MALRD1: variants seen among roughly 807,000 people sequenced by gnomAD.
MALRD1 encodes the protein MAM and LDL receptor class A domain containing 1.
In MALRD1, 247 loss-of-function variants were observed where a neutral mutation model predicts 242.1. That is an observed-to-expected ratio of 1.02 (90% CI 0.92 to 1.13). The LOEUF (loss-of-function observed/expected upper bound fraction) is 1.13, where lower values mean the gene tolerates loss of function less well. Ranked by LOEUF, MALRD1 falls within the 50% of genes most tolerant of loss-of-function variation. MALRD1 has a pLI of 0.00. For synonymous variants in MALRD1, 995 were observed against 866.6 expected (o/e 1.15, Z -2.60); for missense variants, 2,989 against 2,533.1 (o/e 1.18, Z -3.86).
chr10:19,539,857 C>CGTGTGTGTGT (rs368123598), intron 32 of MALRD1, among the ~76,000 whole-genome samples: 1 of 126,924 alleles, frequency 7.9e-6, no homozygotes, highest in Non-Finnish European at 1.7e-5. Flanking sequence ...CAGCTTTGTG[C>CGTGTGTGTGT]GTGTGTGTGT....
intron 29 of MALRD1, among the ~76,000 whole-genome samples, chr10:19,472,680 T>G (rs1191137584): frequency 6.6e-6 from 1 of 151,918 alleles, no homozygotes; most frequent in Non-Finnish European, 1.5e-5. Flanking sequence ...TTATCAAAGT[T>G]GTTAGAATAC....
rs140720769 is a variant in MALRD1, at chr10:19,063,395, C to T, written c.200-3324C>T. Among the ~76,000 whole-genome samples the T allele has an allele frequency of 8.5e-4, 129 of 152,188 alleles. 4 individuals are homozygous for T. The East Asian group carries it at 0.021, about 25-fold the overall frequency. On this transcript the variant is annotated intron_variant, in intron 1 of 39. Transcript: ENST00000454679. ...AAGAACATTATGTTGTGTTGCTTTA[C>T]CCAGACCATACTTTCCAGAGTTAAT...
At chr10:19,300,599 G>A (rs139501999) in intron 21 of MALRD1, among the ~76,000 whole-genome samples, 1 of 151,826 alleles carries the variant, frequency 6.6e-6, no homozygotes, top group Non-Finnish European at 1.5e-5. Flanking sequence ...ACAATAAAAA[G>A]CAATGGGGAA....
At chr10:19,481,100 T>G (rs1836976243) in intron 29 of MALRD1, among the ~76,000 whole-genome samples, 1 of 152,130 alleles carries the variant, frequency 6.6e-6, no homozygotes, top group Admixed American at 6.6e-5. Flanking sequence ...AATATGAAAA[T>G]TCAAACTTCA....
intron 24 of MALRD1, among the ~76,000 whole-genome samples, chr10:19,345,031 C>A (rs1844047608): frequency 6.6e-6 from 1 of 152,000 alleles, no homozygotes; most frequent in Non-Finnish European, 1.5e-5. Context: ...ACTATGTGCT[C>A]CTTTTATTAC....
At chr10:19,207,039 C>A (rs955364058) in intron 17 of MALRD1, among the ~76,000 whole-genome samples, 1 of 152,280 alleles carries the variant, frequency 6.6e-6, no homozygotes, top group East Asian at 1.9e-4. Flanking sequence ...CTAAGCTCCT[C>A]TTCTGTGATT....
At chr10:19,233,812 T>C (rs1838185399) in intron 18 of MALRD1, among the ~76,000 whole-genome samples, 1 of 151,332 alleles carries the variant, frequency 6.6e-6, no homozygotes. Flanking sequence ...TATTCCAACA[T>C]GTTTATATTG....
At chr10:19,081,616 A>G (rs1265797199) in intron 2 of MALRD1, among the ~76,000 whole-genome samples, 1 of 151,994 alleles carries the variant, frequency 6.6e-6, no homozygotes, top group African/African-American at 2.4e-5. Flanking sequence ...ACCTGTCAGG[A>G]GGGGAGAGGG....
At chr10:19,533,411 G>A (rs761480026) in intron 32 of MALRD1, among the ~76,000 whole-genome samples, 3 of 152,088 alleles carry the variant, frequency 2.0e-5, no homozygotes, top group African/African-American at 4.8e-5. Context: ...TAATCAGCAT[G>A]ATATTGATTT....
intron 28 of MALRD1, among the ~76,000 whole-genome samples, chr10:19,442,392 G>A (rs1388277883): frequency 1.3e-5 from 2 of 152,210 alleles, no homozygotes; most frequent in Admixed American, 1.3e-4. Flanking sequence ...TCCCTGTCTT[G>A]TGCCAGTTTT....
chr10:19,700,964 A>G (rs1420752639), intron 38 of MALRD1, among the ~76,000 whole-genome samples: 17 of 152,138 alleles, frequency 1.1e-4, no homozygotes, highest in Admixed American at 9.8e-4. Context: ...CCTGGGCAAC[A>G]TAGCAAAACC....
At chr10:19,179,627 C>T (rs527836701) in intron 14 of MALRD1, among the ~76,000 whole-genome samples, 8 of 151,946 alleles carry the variant, frequency 5.3e-5, no homozygotes, top group African/African-American at 1.4e-4. Context: ...GCCACCCCCC[C>T]ATAAAAAAGA....
chr10:19,483,103 A>G (rs1455512544), intron 29 of MALRD1, among the ~76,000 whole-genome samples: 1 of 151,978 alleles, frequency 6.6e-6, no homozygotes, highest in Non-Finnish European at 1.5e-5. Flanking sequence ...AGACACATAG[A>G]CCAATGGAAC....
intron 36 of MALRD1, among the ~76,000 whole-genome samples, chr10:19,646,844 C>T (rs1266101299): frequency 6.6e-6 from 1 of 152,000 alleles, no homozygotes; most frequent in East Asian, 1.9e-4. Context: ...TCATTTGTGA[C>T]AGAAGAAAGG....
intron 18 of MALRD1, among the ~76,000 whole-genome samples, chr10:19,251,165 G>T (rs934098636): frequency 2.6e-5 from 4 of 151,898 alleles, no homozygotes; most frequent in African/African-American, 9.7e-5. Flanking sequence ...CATTAGAAAA[G>T]AATTAAGGGA....
At chr10:19,471,515 C>T (rs1836495900) in intron 29 of MALRD1, among the ~76,000 whole-genome samples, 1 of 151,366 alleles carries the variant, frequency 6.6e-6, no homozygotes, top group East Asian at 1.9e-4. Flanking sequence ...GTGTGGATCA[C>T]TTTGGGTAGT....
rs549097833 is a variant in MALRD1 at position 19,103,477 on chromosome 10, C to G, written c.598-502C>G. On this transcript the variant is annotated intron_variant, in intron 4 of 39. Transcript: ENST00000454679. ...TCGGGAGGCTGAGGCAGGAGAATGGCATGAATGTGGGAGGCGGAGCTTGTA... is the reference window on the plus strand; with the variant it reads ...TCGGGAGGCTGAGGCAGGAGAATGGGATGAATGTGGGAGGCGGAGCTTGTA... 2.1e-5 allele frequency among the ~76,000 whole-genome samples: 3 copies of G among 145,990 alleles called. No individual in the cohort carries two copies. The Admixed American group carries it at 2.2e-4, about 11-fold the overall frequency.
chr10:19,305,095 C>A (rs1364327430), intron 21 of MALRD1, among the ~76,000 whole-genome samples: 4 of 151,612 alleles, frequency 2.6e-5, no homozygotes, highest in African/African-American at 9.7e-5. Flanking sequence ...CAACTGAATC[C>A]ATGAAACTTT....
chr10:19,279,946 A>G, intron 19 of MALRD1, 101 bp from the exon 20 acceptor site: 1 of 944,824 alleles, frequency 1.1e-6, no homozygotes. Context: ...TCTCTATGAT[A>G]TTGTGGGGCA....
Sources: gnomAD v4.1 joint callset for allele counts (sites outside exome capture counted in the v4.1 genomes callset) on GRCh38, gnomAD v4.1.1 for gene constraint, MANE v1.5 for transcripts, NCBI Gene and HGNC (gene_info 2026-07-23, HGNC 2026-07-21) for gene names.